Variants in SYT13 observed in about 807,000 individuals in gnomAD.
The protein encoded by SYT13 is synaptotagmin 13.
Under a neutral mutation model 38.6 loss-of-function variants are expected in SYT13, and 21 were observed. That is an observed-to-expected ratio of 0.54 (90% confidence interval 0.39 to 0.78). SYT13 has a LOEUF of 0.78. Among genes scored for constraint, SYT13 ranks in the 30% least tolerant of loss-of-function variants. SYT13 has a pLI of 0.00. For missense variants in SYT13, 495 were observed against 548.7 expected (o/e 0.90, Z 0.98); for synonymous variants, 241 against 237.6 (o/e 1.01, Z -0.13).
At chr11:45,251,438 T>A (rs1462363025) in intron 4 of SYT13, among the ~76,000 whole-genome samples, 1 of 151,862 alleles carries the variant, frequency 6.6e-6, no homozygotes, top group Non-Finnish European at 1.5e-5. Context: ...TTTTGCTTTT[T>A]GCTTTAGCAT....
At chr11:45,281,195 CA>C (rs35172528) in intron 1 of SYT13, among the ~76,000 whole-genome samples, 104 of 143,782 alleles carry the variant, frequency 7.2e-4, no homozygotes, top group African/African-American at 1.8e-3. Flanking sequence ...GACTCTGTCT[CA>C]AAAAAAAAAA....
In SYT13 at chr11:45,240,895, A is replaced by C. The variant is rs1854542194; in HGVS notation, c.*3157T>G. 1 of 152,230 alleles carries C rather than the reference A, an allele frequency of 6.6e-6. No homozygotes were observed. Among genetic ancestry groups the C allele is most frequent in the Non-Finnish European group, 1.5e-5 (1 of 68,040 alleles). 9.4% of individuals were successfully genotyped at this position (152,230 alleles called of 1,614,324 possible). A position where few individuals can be genotyped will look rare whatever the true frequency, so the allele number is the denominator to read the frequency against. On this transcript the variant is annotated 3_prime_UTR_variant, in exon 6 of 6. Coordinates refer to ENST00000020926, the MANE Select transcript of SYT13 (RefSeq NM_020826.3). ...AGGTGTTCCTTTCGAAAATGATGAGATACTTCACACAGGCTCAGTTACTAT... is the reference window on the plus strand; with the variant it reads ...AGGTGTTCCTTTCGAAAATGATGAGCTACTTCACACAGGCTCAGTTACTAT...
chr11:45,246,269 C>T, intron 5 of SYT13, 114 bp downstream of exon 5: 5 of 1,455,384 alleles, frequency 3.4e-6, no homozygotes, highest in Non-Finnish European at 3.7e-6. Context: ...CGTAGATGTG[C>T]TCATATTCCA....
chr11:45,279,151 G>A (rs949788551), intron 1 of SYT13, among the ~76,000 whole-genome samples: 12 of 152,200 alleles, frequency 7.9e-5, no homozygotes, highest in Admixed American at 1.3e-4. Context: ...TGTGGGCTCT[G>A]AAGCCAAATT....
Position 45,242,620 on chromosome 11 carries a change from G to A in SYT13, c.*1432C>T, listed in dbSNP as rs1854565333. ...TTAGCTTAAAGATGATCTGCTGGTG[G>A]CCTCAGAGTTTGTTTTTAGCCAGAG... On this transcript the variant is annotated 3_prime_UTR_variant, in exon 6 of 6. Coordinates refer to ENST00000020926, the MANE Select transcript of SYT13 (RefSeq NM_020826.3). 6.6e-6 allele frequency: 1 copy of A among 152,088 alleles called. No homozygotes were observed. Among genetic ancestry groups the A allele is most frequent in the Middle Eastern group, 3.4e-3 (1 of 294 alleles). 9.4% of individuals were successfully genotyped at this position (152,088 alleles called of 1,614,324 possible). A position where few individuals can be genotyped will look rare whatever the true frequency, so the allele number is the denominator to read the frequency against.
intron 1 of SYT13, among the ~76,000 whole-genome samples, chr11:45,273,947 G>A (rs1271879124): frequency 6.6e-6 from 1 of 152,190 alleles, no homozygotes; most frequent in Non-Finnish European, 1.5e-5. Context: ...TCCGTTGGGT[G>A]CTTTCATACG....
intron 1 of SYT13, 147 bp downstream of exon 1, chr11:45,285,877 GA>G (rs1287481660): frequency 2.0e-6 from 1 of 504,812 alleles, no homozygotes; most frequent in Non-Finnish European, 3.2e-6. Flanking sequence ...TTGACTCCTT[GA>G]CCTGTCCTCC....
intron 1 of SYT13, among the ~76,000 whole-genome samples, chr11:45,280,645 G>T (rs752381304): frequency 5.3e-5 from 8 of 152,190 alleles, no homozygotes; most frequent in Non-Finnish European, 1.0e-4. Context: ...CCTACCCGCT[G>T]CAGTCATTTC....
chr11:45,272,315 C>T (rs969793390), intron 1 of SYT13, among the ~76,000 whole-genome samples: 19 of 151,994 alleles, frequency 1.3e-4, no homozygotes, highest in African/African-American at 3.6e-4. Context: ...GCATGTCCTG[C>T]GCATGTATCC....
At chr11:45,263,643 G>C (rs1469676364) in intron 1 of SYT13, among the ~76,000 whole-genome samples, 1 of 152,206 alleles carries the variant, frequency 6.6e-6, no homozygotes, top group Admixed American at 6.5e-5. Context: ...CCCCGCCAAG[G>C]GGGTAGTGAG....
At chr11:45,271,018 TCA>T (rs1174738498) in intron 1 of SYT13, among the ~76,000 whole-genome samples, 1 of 152,112 alleles carries the variant, frequency 6.6e-6, no homozygotes, top group Non-Finnish European at 1.5e-5. Flanking sequence ...GTCCCCACCC[TCA>T]GAGAGTTTAC....
chr11:45,244,419 T>C (rs1486267645), intron 5 of SYT13, 63 bp from the exon 6 acceptor site: 2 of 1,552,900 alleles, frequency 1.3e-6, no homozygotes, highest in Non-Finnish European at 1.7e-6. Flanking sequence ...TTCTGGGATC[T>C]GGCAGGGCCC....
chr11:45,254,676 C>T (rs754763990), intron 2 of SYT13: 2 of 350,818 alleles, frequency 5.7e-6, no homozygotes, highest in Non-Finnish European at 1.0e-5. Context: ...TTTTGTCTTT[C>T]TAAAACGCCT....
At chr11:45,259,625 A>G (rs1854792133) in intron 1 of SYT13, among the ~76,000 whole-genome samples, 1 of 152,102 alleles carries the variant, frequency 6.6e-6, no homozygotes, top group Non-Finnish European at 1.5e-5. Flanking sequence ...GCCCTACACA[A>G]CACCAGGTTG....
rs1021530590 is a variant in SYT13 at position 45,255,877 on chromosome 11, C to T, written c.198G>A (p.Lys66=). ...CACGGGGCTGAACAGGTTCCGTGGA[C>T]TTTTTAACATTGAACTGCAAACACA... is the stretch of plus-strand genomic sequence containing the variant. The part of the protein sequence containing the change: ...LGSAQQFNVK[K]STEPVQPRAL... The change falls in exon 2 of 6, where the codon AAG becomes AAA. Residue 66 remains lysine, a synonymous_variant. Coordinates refer to ENST00000020926, the MANE Select transcript of SYT13 (RefSeq NM_020826.3). 2 of 1,614,024 alleles carry T rather than the reference C, an allele frequency of 1.2e-6. No individual in the cohort carries two copies. The highest frequency in any genetic ancestry group is 2.7e-5 in the African/African-American group (2 of 74,920).
intron 1 of SYT13, among the ~76,000 whole-genome samples, chr11:45,271,919 C>T (rs1223850357): frequency 6.6e-6 from 1 of 152,154 alleles, no homozygotes. Flanking sequence ...GCACTGTTCA[C>T]AATAGCAAAG....
At chr11:45,249,511 A>G (rs902111469) in intron 4 of SYT13, among the ~76,000 whole-genome samples, 1 of 152,256 alleles carries the variant, frequency 6.6e-6, no homozygotes, top group Non-Finnish European at 1.5e-5. Context: ...ATGTCCATCA[A>G]TGATAGACTG....
chr11:45,264,105 A>T (rs1225111098), intron 1 of SYT13, among the ~76,000 whole-genome samples: 25 of 152,216 alleles, frequency 1.6e-4, no homozygotes, highest in African/African-American at 5.8e-4. Flanking sequence ...TGTGATAAAT[A>T]TAGACATTGA....
rs752670661 is a variant in SYT13 at position 45,246,532 on chromosome 11, G to T, written c.847-20C>A. Reference sequence around the variant, plus strand: ...TGGCTCCTGAAACAGAAAAGGAGATGCAGGAGGGGAGTCTCACCTGGGGAC... The same window carrying T: ...TGGCTCCTGAAACAGAAAAGGAGATTCAGGAGGGGAGTCTCACCTGGGGAC... On this transcript the variant is annotated intron_variant, in intron 4 of 5. Transcript: ENST00000020926. 4 of 1,612,736 alleles carry T rather than the reference G, an allele frequency of 2.5e-6. No homozygotes were observed. The East Asian group carries it at 8.9e-5, about 36-fold the overall frequency.
Sources: allele counts gnomAD v4.1 joint callset (sites outside exome capture counted in the v4.1 genomes callset), GRCh38; gene constraint gnomAD v4.1.1; transcripts MANE v1.5; gene names NCBI Gene and HGNC (gene_info 2026-07-23, HGNC 2026-07-21).